PAXIP1: variants seen among roughly 807,000 people sequenced by gnomAD.
The protein encoded by PAXIP1 is PAX interacting protein 1.
Under a neutral mutation model 140.6 loss-of-function variants are expected in PAXIP1, and 19 were observed. That is an observed-to-expected ratio of 0.14 (90% CI 0.09 to 0.20). The LOEUF is 0.20. PAXIP1 is among the 10% of genes least tolerant of loss of function. The pLI is 1.00. For synonymous variants in PAXIP1, 442 were observed against 444.6 expected (o/e 0.99, Z 0.07); for missense variants, 920 against 1,208.6 (o/e 0.76, Z 3.54).
intron 13 of PAXIP1, among the ~76,000 whole-genome samples, chr7:154,958,738 C>T (rs562608628): frequency 6.6e-6 from 1 of 152,076 alleles, no homozygotes; most frequent in African/African-American, 2.4e-5. Context: ...TGATACAAAG[C>T]CACAAGAGAA....
At position 154,969,062 on chromosome 7, in the gene PAXIP1, C is replaced by G; in HGVS notation, c.1139G>C (p.Gly380Ala). The G allele has an allele frequency of 6.6e-7, 1 of 1,522,220 alleles. No individual in the cohort carries two copies. The highest frequency in any genetic ancestry group is 1.4e-5 in the African/African-American group (1 of 72,616). The allele number at this position is 1,522,220 out of a possible 1,614,324, so 94.3% of individuals were successfully genotyped here. The change falls in exon 7 of 21, where the codon GGA becomes GCA. Residue 380 changes from glycine (G) to alanine (A), a missense_variant. By Grantham distance (60) the Gly-to-Ala change is moderately conservative (BLOSUM62 0). Coordinates refer to ENST00000404141, the MANE Select transcript of PAXIP1 (RefSeq NM_007349.4). ...CAGCACTGCATTGGCATTTGTATGT[C>G]CCTGCTGGCTGTGATTCACCTGCTG... is the stretch of plus-strand genomic sequence containing the variant. The part of the protein sequence containing the change: ...LEQQVNHSQQ[G>A]HTNANAVLFS...
Position 154,958,612 on chromosome 7 carries a change from C to T in PAXIP1, c.2478+1278G>A, listed in dbSNP as rs61694184. The stretch of plus-strand genomic sequence containing the variant: ...ATTTCTCAACTCTATTTCCAAAGAT[C>T]GCATTTAAGTCTCCAAATTGTCATT... On this transcript the variant is annotated intron_variant, in intron 13 of 20. Transcript: ENST00000404141. Among the ~76,000 whole-genome samples, 1,049 of 152,212 alleles carry T rather than the reference C, an allele frequency of 6.9e-3. 16 individuals are homozygous for T. Among genetic ancestry groups the T allele is most frequent in the African/African-American group, 0.024 (980 of 41,540 alleles).
Position 154,946,238 on chromosome 7 carries a change from G to A in PAXIP1, c.3194+127C>T. 6.6e-7 allele frequency: 1 copy of A among 1,524,474 alleles called. No individual in the cohort carries two copies. The highest frequency in any genetic ancestry group is 8.8e-7 in the Non-Finnish European group (1 of 1,138,238). 94.4% of individuals were successfully genotyped at this position (1,524,474 alleles called of 1,614,324 possible). On this transcript the variant is annotated intron_variant, in intron 20 of 20. Coordinates refer to ENST00000404141, the MANE Select transcript of PAXIP1 (RefSeq NM_007349.4). This position sits in a 1 kb window ranked among gnomAD's most constrained non-coding sequence, Gnocchi z 4.9. ...TCTGAAGAGAAAAGAATTGTTCACT[G>A]CATAAATCACAATAGCAAAGAAAGG...
At chr7:154,998,610 C>T in intron 2 of PAXIP1, 40 bp downstream of exon 2, 1 of 1,561,736 alleles carries the variant, frequency 6.4e-7, no homozygotes, top group Non-Finnish European at 8.8e-7. Flanking sequence ...TTGCAAGATA[C>T]TGAGGAAAAG....
At chr7:154,958,523 C>T (rs1490269666) in intron 13 of PAXIP1, among the ~76,000 whole-genome samples, 1 of 152,196 alleles carries the variant, frequency 6.6e-6, no homozygotes, top group Non-Finnish European at 1.5e-5. Flanking sequence ...CATAGAGAAT[C>T]AAGCTTTATA....
chr7:154,962,280 A>G, intron 10 of PAXIP1, 41 bp downstream of exon 10: 1 of 1,605,950 alleles, frequency 6.2e-7, no homozygotes, highest in Non-Finnish European at 8.5e-7. Context: ...GCCAAAGTCG[A>G]AGGATGATTT....
Position 154,986,001 on chromosome 7 carries a change from A to G in PAXIP1, c.325-2669T>C. 7.3e-7 allele frequency: 1 copy of G among 1,364,560 alleles called. No homozygotes were observed. The highest frequency in any genetic ancestry group is 9.8e-7 in the Non-Finnish European group (1 of 1,020,980). 84.5% of individuals were successfully genotyped at this position (1,364,560 alleles called of 1,614,324 possible). A position where few individuals can be genotyped will look rare whatever the true frequency, so the allele number is the denominator to read the frequency against. ...AGGCTCTCCATTACACTCTTGACCTATTCCCCAAAACCTACCCAGCACATT... is the reference window on the plus strand; with the variant it reads ...AGGCTCTCCATTACACTCTTGACCTGTTCCCCAAAACCTACCCAGCACATT... On this transcript the variant is annotated intron_variant, in intron 4 of 20. Coordinates refer to ENST00000404141, the MANE Select transcript of PAXIP1 (RefSeq NM_007349.4). This position sits in a 1 kb window ranked among gnomAD's most constrained non-coding sequence, Gnocchi z 4.8.
At chr7:154,955,906 C>G (rs968882028) in intron 14 of PAXIP1, among the ~76,000 whole-genome samples, 14 of 152,184 alleles carry the variant, frequency 9.2e-5, no homozygotes, top group African/African-American at 3.4e-4. Context: ...CAATCCCCTC[C>G]TGATTAATTT....
At chr7:154,979,638 T>C (rs1434431949) in intron 5 of PAXIP1, among the ~76,000 whole-genome samples, 1 of 88,244 alleles carries the variant, frequency 1.1e-5, no homozygotes, top group East Asian at 3.1e-4. Context: ...ATCAAGAACA[T>C]AATTATATTA....
At chr7:154,955,477 T>C in intron 15 of PAXIP1, 52 bp downstream of exon 15, 5 of 1,049,714 alleles carry the variant, frequency 4.8e-6, no homozygotes, top group Non-Finnish European at 7.4e-6. Context: ...AGTAAATATA[T>C]ACAAAAAAGG....
Position 154,969,126 on chromosome 7 carries a change from T to A in PAXIP1, c.1075A>T (p.Ile359Phe), listed in dbSNP as rs1809177203. The A allele has an allele frequency of 1.4e-6, 2 of 1,458,996 alleles. No individual in the cohort carries two copies. The highest frequency in any genetic ancestry group is 1.8e-6 in the Non-Finnish European group (2 of 1,102,808). 90.4% of individuals were successfully genotyped at this position (1,458,996 alleles called of 1,614,324 possible). ...GTAGGTGCTGAAAGAGTCTGTAAGA[T>A]CTACAAAACAAAAGTTAGGTGAAAC... ...QMNRPSNVAH[I>F]LQTLSAPTKN... The change falls in exon 7 of 21, where the codon ATC becomes TTC. Residue 359 changes from isoleucine to phenylalanine, a missense_variant and splice_region_variant. Physicochemically the swap from Ile to Phe is conservative, Grantham distance 21. Transcript: ENST00000404141.
At chr7:154,977,166 T>C (rs562898608) in intron 5 of PAXIP1, among the ~76,000 whole-genome samples, 90 of 152,212 alleles carry the variant, frequency 5.9e-4, no homozygotes, top group African/African-American at 2.1e-3. Context: ...AGACCTCTCC[T>C]GTGGTAAAGG....
Position 154,986,285 on chromosome 7 carries a change from T to C in PAXIP1, c.325-2953A>G. On this transcript the variant is annotated intron_variant, in intron 4 of 20. Transcript: ENST00000404141. The surrounding 1 kb of genome is among the most constrained non-coding windows in gnomAD (Gnocchi z 4.8). ...GCATGTGAGTGTGTGTGCGCATGGG[T>C]GCTCCAGTGTGCAGAAAAGGTGCAG... The C allele has an allele frequency of 1.5e-6, 1 of 657,846 alleles. No individual in the cohort carries two copies. Among genetic ancestry groups the C allele is most frequent in the South Asian group, 1.8e-5 (1 of 56,342 alleles). 40.8% of individuals were successfully genotyped at this position (657,846 alleles called of 1,614,324 possible).
intron 20 of PAXIP1, chr7:154,945,639 G>T: frequency 1.1e-6 from 1 of 907,102 alleles, no homozygotes; most frequent in South Asian, 5.1e-5. Flanking sequence ...CAGCCTCATT[G>T]CAGGAGGCCC....
intron 16 of PAXIP1, chr7:154,952,224 T>C (rs1322914720): frequency 6.6e-6 from 1 of 152,214 alleles, no homozygotes; most frequent in Non-Finnish European, 1.5e-5. Flanking sequence ...TCACAGATTC[T>C]TTGCTAATTT....
intron 6 of PAXIP1, among the ~76,000 whole-genome samples, chr7:154,971,966 A>T (rs982444266): frequency 2.0e-5 from 3 of 152,180 alleles, no homozygotes; most frequent in Non-Finnish European, 4.4e-5. Context: ...CTAGTGATCA[A>T]ATCCATTCAC....
At position 154,981,475 on chromosome 7, in the gene PAXIP1, T is replaced by C. The variant is rs953431212; in HGVS notation, c.438+1744A>G. On this transcript the variant is annotated intron_variant, in intron 5 of 20. Coordinates refer to ENST00000404141, the MANE Select transcript of PAXIP1 (RefSeq NM_007349.4). ...AGAGTTATCTTTCTTTTCCAGTCCA[T>C]AAATGAAATCAAGAATGAAGAACAA... Among the ~76,000 whole-genome samples, 6 of 152,296 alleles carry C rather than the reference T, an allele frequency of 3.9e-5. No individual in the cohort carries two copies. In the East Asian group the frequency reaches 7.7e-4, roughly 20 times the overall value.
intron 6 of PAXIP1, among the ~76,000 whole-genome samples, chr7:154,970,108 C>T (rs1044126563): frequency 1.3e-5 from 2 of 152,108 alleles, no homozygotes; most frequent in Admixed American, 1.3e-4. Context: ...ACAAGAGATA[C>T]ACATTATACA....
In PAXIP1 at chr7:154,976,028, T is replaced by C; in HGVS notation, c.742A>G (p.Met248Val). ...GATGAATCTGAAGAATCATCAAACA[T>C]TAATTCCCCTTTAGATTTTTCAGTG... is the stretch of plus-strand genomic sequence containing the variant. ...SNTEKSKGELMFDDSSDSSPE... is the reference protein window; with the variant it reads ...SNTEKSKGELVFDDSSDSSPE... The change falls in exon 6 of 21, where the codon ATG becomes GTG. Residue 248 changes from methionine to valine, a missense_variant. By Grantham distance (21) the Met-to-Val change is conservative (BLOSUM62 1). Coordinates refer to ENST00000404141, the MANE Select transcript of PAXIP1 (RefSeq NM_007349.4). 6.2e-7 allele frequency: 1 copy of C among 1,610,742 alleles called. No individual in the cohort carries two copies. The highest frequency in any genetic ancestry group is 8.5e-7 in the Non-Finnish European group (1 of 1,178,114).
Sources: allele counts gnomAD v4.1 joint callset (sites outside exome capture counted in the v4.1 genomes callset), GRCh38; gene constraint gnomAD v4.1.1; non-coding constraint Gnocchi (gnomAD v3.1); transcripts MANE v1.5; gene names NCBI Gene and HGNC (gene_info 2026-07-23, HGNC 2026-07-21).